NRBP1: variants seen among roughly 807,000 people sequenced by gnomAD.
The protein encoded by NRBP1 is nuclear receptor binding protein 1, also known as nuclear receptor-binding protein.
NRBP1 carries 10 observed loss-of-function variants against 76.0 expected under a neutral mutation model. The observed-to-expected ratio is 0.13, with a 90% confidence interval of 0.08 to 0.22. The LOEUF (loss-of-function observed/expected upper bound fraction) is 0.22. Among genes scored for constraint, NRBP1 ranks in the 10% least tolerant of loss-of-function variants. The probability of loss-of-function intolerance (pLI) is 1.00; values close to 1 mark genes in which losing one functional copy is unlikely to be tolerated. For synonymous variants in NRBP1, 235 were observed against 240.2 expected (o/e 0.98, Z 0.20); for missense variants, 344 against 646.0 (o/e 0.53, Z 5.07).
upstream of NRBP1, chr2:27,428,321 T>G: frequency 8.8e-6 from 2 of 227,740 alleles, no homozygotes; most frequent in East Asian, 8.9e-5. Flanking sequence ...TTTCCAGGCA[T>G]TAGAACTGTC....
At position 27,442,121 on chromosome 2, in the gene NRBP1, G is replaced by A. The variant is rs1412112994; in HGVS notation, c.*309G>A. 3 of 528,294 alleles carry A rather than the reference G, an allele frequency of 5.7e-6. No homozygotes were observed. Among genetic ancestry groups the A allele is most frequent in the African/African-American group, 2.0e-5 (1 of 50,190 alleles). 32.7% of individuals were successfully genotyped at this position (528,294 alleles called of 1,614,324 possible). Reference sequence around the variant, plus strand: ...AGCCTGTGTGGAAAGGAGGCCCACGGGCACTAGGGGAGCCGAATTCTACAA... The same window carrying A: ...AGCCTGTGTGGAAAGGAGGCCCACGAGCACTAGGGGAGCCGAATTCTACAA... On this transcript the variant is annotated 3_prime_UTR_variant, in exon 18 of 18. Transcript: ENST00000379852.
At chr2:27,430,191 C>A (rs1004045796) in intron 1 of NRBP1, among the ~76,000 whole-genome samples, 4 of 152,072 alleles carry the variant, frequency 2.6e-5, no homozygotes, top group African/African-American at 4.8e-5. Context: ...AAGTCAGGAT[C>A]TAGAAAATAA....
intron 10 of NRBP1, 119 bp downstream of exon 10, chr2:27,437,479 C>T (rs74326958): frequency 1.1e-4 from 82 of 723,914 alleles, no homozygotes; most frequent in East Asian, 4.8e-4. Flanking sequence ...AGAAAGGACA[C>T]GAAAAATCTA....
upstream of NRBP1, chr2:27,428,602 G>C (rs1663957909): frequency 1.0e-5 from 4 of 397,572 alleles, no homozygotes; most frequent in South Asian, 5.1e-4. Context: ...TCGTTGGTCC[G>C]GGCGCCGCGA....
At chr2:27,430,437 T>C (rs959320835) in intron 1 of NRBP1, among the ~76,000 whole-genome samples, 2 of 151,466 alleles carry the variant, frequency 1.3e-5, no homozygotes, top group Non-Finnish European at 2.9e-5. Flanking sequence ...GTTTCCAGGG[T>C]ATCAGTTTCT....
chr2:27,431,806 T>C (rs1283419446), intron 1 of NRBP1: 1 of 152,210 alleles, frequency 6.6e-6, no homozygotes, highest in African/African-American at 2.4e-5. Context: ...CTGAAACATT[T>C]TGGAGTCTGG....
intron 7 of NRBP1, 122 bp from the exon 8 acceptor site, chr2:27,436,631 G>A (rs1664318287): frequency 6.6e-6 from 5 of 753,688 alleles, no homozygotes; most frequent in Non-Finnish European, 1.2e-5. Context: ...ATATGTTTGT[G>A]CCTGTTGAGG....
chr2:27,441,651 C>G (rs775044646), intron 17 of NRBP1, 29 bp downstream of exon 17: 1 of 1,613,566 alleles, frequency 6.2e-7, no homozygotes, highest in Non-Finnish European at 8.5e-7. Context: ...TCTGCCCTGG[C>G]TGCCCCCATG....
chr2:27,436,965 C>CTTT, intron 8 of NRBP1, 82 bp from the exon 9 acceptor site: 9 of 1,192,634 alleles, frequency 7.5e-6, no homozygotes, highest in African/African-American at 1.6e-5. Flanking sequence ...TTTTTCTTTT[C>CTTT]TTTTTTTTTT....
rs570815784 is a variant in NRBP1, at chr2:27,442,026, C to T, written c.*214C>T. ...ACTTTGTTTACTTGTTTTGCACAGA[C>T]GTGGGCCTGGGCCTTCTCAGCAGCC... On this transcript the variant is annotated 3_prime_UTR_variant, in exon 18 of 18. Coordinates refer to ENST00000379852, the MANE Select transcript of NRBP1 (RefSeq NM_013392.4). 6.8e-5 allele frequency: 38 copies of T among 558,820 alleles called. No homozygotes were observed. Among genetic ancestry groups the T allele is most frequent in the Admixed American group, 4.8e-4 (14 of 29,032 alleles). The allele number at this position is 558,820 out of a possible 1,614,324, so 34.6% of individuals were successfully genotyped here.
At chr2:27,435,075 G>C in intron 6 of NRBP1, 58 bp from the exon 7 acceptor site, 1 of 1,007,954 alleles carries the variant, frequency 9.9e-7, no homozygotes, top group Non-Finnish European at 1.6e-6. Flanking sequence ...CTTAACCCTT[G>C]GGTTCCCCCT....
intron 16 of NRBP1, 69 bp downstream of exon 16, chr2:27,441,399 G>C (rs906555075): frequency 6.7e-7 from 1 of 1,490,292 alleles, no homozygotes; most frequent in African/African-American, 1.4e-5. Flanking sequence ...ATATTCAGGG[G>C]TGGGGGAGGT....
At chr2:27,440,247 G>T (rs1227740107) in intron 11 of NRBP1, 156 bp from the exon 12 acceptor site, 2 of 622,834 alleles carry the variant, frequency 3.2e-6, no homozygotes, top group Non-Finnish European at 5.8e-6. Context: ...GGCGTCAAGT[G>T]ATCTGTCCGC....
intron 6 of NRBP1, 76 bp downstream of exon 6, chr2:27,434,838 T>C (rs1203946533): frequency 8.1e-6 from 11 of 1,364,428 alleles, no homozygotes; most frequent in Non-Finnish European, 9.4e-6. Flanking sequence ...GGCACTACTC[T>C]TCTGTTCTAT....
intron 8 of NRBP1, 70 bp from the exon 9 acceptor site, chr2:27,436,977 T>TC: frequency 3.4e-6 from 5 of 1,480,416 alleles, no homozygotes; most frequent in Non-Finnish European, 4.6e-6. Context: ...TTTTTTTTTT[T>TC]CCTAAGGCAT....
chr2:27,440,744 C>T lies in NRBP1; in HGVS notation c.1193+42C>T, dbSNP rs150525765. 2.6e-5 allele frequency: 42 copies of T among 1,613,912 alleles called. No individual in the cohort carries two copies. The South Asian group carries it at 2.6e-4, about 10-fold the overall frequency. The stretch of plus-strand genomic sequence containing the variant: ...AAGCAGGCTTTCTTGAGGAAGCAGG[C>T]GGGGTTGGGTATCCTAAGGCGTTCA... On this transcript the variant is annotated intron_variant, in intron 13 of 17. Coordinates refer to ENST00000379852, the MANE Select transcript of NRBP1 (RefSeq NM_013392.4).
At chr2:27,440,555 T>G (rs377335255) in intron 12 of NRBP1, 47 bp downstream of exon 12, 4 of 1,598,872 alleles carry the variant, frequency 2.5e-6, no homozygotes, top group African/African-American at 2.7e-5. Context: ...TCACGACCAC[T>G]CTTGAGGCTC....
chr2:27,440,387 C>T lies in NRBP1; in HGVS notation c.1037-16C>T, dbSNP rs1334362203. The T allele has an allele frequency of 6.6e-7, 1 of 1,515,378 alleles. No homozygotes were observed. Among genetic ancestry groups the T allele is most frequent in the Admixed American group, 1.7e-5 (1 of 59,888 alleles). 93.9% of individuals were successfully genotyped at this position (1,515,378 alleles called of 1,614,324 possible). On this transcript the variant is annotated splice_polypyrimidine_tract_variant and intron_variant, in intron 11 of 17. Transcript: ENST00000379852. ...GACTATCCCTTCATAATATCCCACTCCATCATGCCCTCCAGACATGATCCC... is the reference window on the plus strand; with the variant it reads ...GACTATCCCTTCATAATATCCCACTTCATCATGCCCTCCAGACATGATCCC...
At chr2:27,440,549 G>T (rs1260342) in intron 12 of NRBP1, 41 bp downstream of exon 12, 641,680 of 1,596,490 alleles carry the variant, frequency 0.4, 135,119 homozygotes, top group African/African-American at 0.67. Flanking sequence ...GATTGGTCAC[G>T]ACCACTCTTG....
Sources: allele counts gnomAD v4.1 joint callset (sites outside exome capture counted in the v4.1 genomes callset), GRCh38; gene constraint gnomAD v4.1.1; transcripts MANE v1.5; gene names NCBI Gene and HGNC (gene_info 2026-07-23, HGNC 2026-07-21).